Variants in SLC43A2 observed in about 807,000 individuals in gnomAD.
The protein encoded by SLC43A2 is large neutral amino acids transporter small subunit 4.
Under a neutral mutation model 63.2 loss-of-function variants are expected in SLC43A2, and 38 were observed. That is an observed-to-expected ratio of 0.60 (90% CI 0.46 to 0.79). The LOEUF (loss-of-function observed/expected upper bound fraction) is 0.79. Among genes scored for constraint, SLC43A2 ranks in the 30% least tolerant of loss-of-function variants. The pLI is 0.00. For missense variants in SLC43A2, 644 were observed against 756.2 expected, an observed-to-expected ratio of 0.85 and a Z score of 1.74; for synonymous variants, 322 against 331.0, an observed-to-expected ratio of 0.97 and a Z score of 0.30.
At chr17:1,604,443 G>C in intron 5 of SLC43A2, 1 of 443,366 alleles carries the variant, frequency 2.3e-6, no homozygotes, top group Non-Finnish European at 4.1e-6. Context: ...TCCCTCTACT[G>C]ATCAGCAGGA....
chr17:1,588,983 C>G (rs185524001), intron 9 of SLC43A2, among the ~76,000 whole-genome samples: 4 of 152,212 alleles, frequency 2.6e-5, no homozygotes, highest in Non-Finnish European at 2.9e-5. Context: ...GCAAAGCTCA[C>G]GAGTGTGCGG....
At chr17:1,588,697 CAAAAAAA>C (rs35780448) in intron 9 of SLC43A2, among the ~76,000 whole-genome samples, 1 of 89,136 alleles carries the variant, frequency 1.1e-5, no homozygotes, top group Admixed American at 1.2e-4. Context: ...GACCCCAACT[CAAAAAAA>C]AAAAAAAAAA....
rs1292394168 is a variant in SLC43A2, at chr17:1,571,781, T to A, written c.*3823A>T. On this transcript the variant is annotated 3_prime_UTR_variant, in exon 14 of 14. Coordinates refer to ENST00000301335, the MANE Select transcript of SLC43A2 (RefSeq NM_152346.3). This position sits in a 1 kb window ranked among gnomAD's most constrained non-coding sequence, Gnocchi z 5.2. ...CCGGTGAGGGGTGGGACCTTGTGTA[T>A]AGGTCCAGGCAGCAGCAGCTGCAGA... 1 of 152,224 alleles carries A rather than the reference T, an allele frequency of 6.6e-6. No homozygotes were observed. Among genetic ancestry groups the A allele is most frequent in the Non-Finnish European group, 1.5e-5 (1 of 68,086 alleles). The allele number at this position is 152,224 out of a possible 1,614,324, so 9.4% of individuals were successfully genotyped here. A position where few individuals can be genotyped will look rare whatever the true frequency, so the allele number is the denominator to read the frequency against.
chr17:1,599,906 T>C (rs923363626), intron 5 of SLC43A2, among the ~76,000 whole-genome samples: 2 of 148,814 alleles, frequency 1.3e-5, no homozygotes, highest in African/African-American at 5.0e-5. Flanking sequence ...TAGCTGGGCG[T>C]GGTGGCGGGC....
intron 5 of SLC43A2, among the ~76,000 whole-genome samples, chr17:1,601,353 C>T (rs1905999978): frequency 6.6e-6 from 1 of 151,948 alleles, no homozygotes; most frequent in Admixed American, 6.6e-5. Context: ...GCTGGGAAAA[C>T]CCAAATGTTC....
chr17:1,617,925 C>T (rs549065469), intron 2 of SLC43A2, among the ~76,000 whole-genome samples: 1 of 152,186 alleles, frequency 6.6e-6, no homozygotes, highest in Non-Finnish European at 1.5e-5. Flanking sequence ...CTCTCCTGGC[C>T]GGGACTGCTA....
At chr17:1,597,498 C>CAAA (rs71148498) in intron 5 of SLC43A2, among the ~76,000 whole-genome samples, 15,174 of 131,234 alleles carry the variant, frequency 0.12, 1,111 homozygotes, top group African/African-American at 0.21. Context: ...GAGCAAGACT[C>CAAA]AAAAAAAAAA....
intron 2 of SLC43A2, 67 bp from the exon 3 acceptor site, chr17:1,616,836 C>T (rs1159887879): frequency 1.9e-6 from 3 of 1,561,896 alleles, no homozygotes; most frequent in East Asian, 2.2e-5. Flanking sequence ...ATCAGAAGGG[C>T]AGGTGCCCAT....
intron 10 of SLC43A2, 107 bp downstream of exon 10, chr17:1,585,806 A>G (rs1388114335): frequency 2.5e-6 from 4 of 1,603,366 alleles, no homozygotes; most frequent in Non-Finnish European, 3.4e-6. Flanking sequence ...GCTGGAGTGC[A>G]TTGCTCTCTC....
chr17:1,575,862 C>G (rs564399138), intron 13 of SLC43A2, 97 bp from the exon 14 acceptor site: 1 of 1,367,932 alleles, frequency 7.3e-7, no homozygotes, highest in East Asian at 2.5e-5. Flanking sequence ...GAGAAGGTCA[C>G]GGGGTGGAAG....
chr17:1,600,152 A>ATATATATATATATATTTT (rs1216616243), intron 5 of SLC43A2, among the ~76,000 whole-genome samples: 1 of 60,272 alleles, frequency 1.7e-5, no homozygotes, highest in African/African-American at 5.4e-5. Context: ...ATATATATAT[A>ATATATATATATATATTTT]TTTTTTTTTT....
At chr17:1,586,136 C>T in intron 9 of SLC43A2, 85 bp from the exon 10 acceptor site, 1 of 1,484,390 alleles carries the variant, frequency 6.7e-7, no homozygotes, top group Non-Finnish European at 8.9e-7. Flanking sequence ...AGGGGCTGGT[C>T]CCCACAGGCT....
chr17:1,594,446 C>G (rs1029814743), intron 5 of SLC43A2, among the ~76,000 whole-genome samples: 1 of 152,208 alleles, frequency 6.6e-6, no homozygotes, highest in African/African-American at 2.4e-5. Flanking sequence ...CCACACCCAG[C>G]GTCCCTGGCC....
At chr17:1,588,386 CAA>C (rs985832646) in intron 9 of SLC43A2, among the ~76,000 whole-genome samples, 1 of 144,196 alleles carries the variant, frequency 6.9e-6, no homozygotes, top group African/African-American at 2.6e-5. Context: ...AAATCCATGT[CAA>C]AAAAAAAAGA....
rs545002762 is a variant in SLC43A2, at chr17:1,600,023, G to T, written c.502-6744C>A. ...TGCGCCACTGCACTCCAGCCTGGGT[G>T]ACAGAGCAAGACTCCGTCTCAAAAA... On this transcript the variant is annotated intron_variant, in intron 5 of 13. Transcript: ENST00000301335. Among the ~76,000 whole-genome samples the T allele has an allele frequency of 2.1e-5, 3 of 140,564 alleles. No individual in the cohort carries two copies. The South Asian group carries it at 6.8e-4, about 32-fold the overall frequency. 92.2% of individuals were successfully genotyped at this position (140,564 alleles called of 152,430 possible).
In SLC43A2 at chr17:1,583,428, A is replaced by C. The variant is rs2076052031; in HGVS notation, c.1218-92T>G. ...TCAGGCCTCAAGCGTCGCAGCAGGT[A>C]AACTGACGCAAGACTCAGAAGCCAC... is the stretch of plus-strand genomic sequence containing the variant. On this transcript the variant is annotated intron_variant, in intron 10 of 13. Coordinates refer to ENST00000301335, the MANE Select transcript of SLC43A2 (RefSeq NM_152346.3). The surrounding 1 kb of genome is among the most constrained non-coding windows in gnomAD (Gnocchi z 5.5). The C allele has an allele frequency of 5.7e-6, 9 of 1,568,874 alleles. No homozygotes were observed. In the South Asian group the frequency reaches 1.0e-4, roughly 18 times the overall value.
chr17:1,584,477 G>T (rs11868468), intron 10 of SLC43A2, among the ~76,000 whole-genome samples: 13,004 of 152,152 alleles, frequency 0.085, 1,706 homozygotes, highest in African/African-American at 0.28. Flanking sequence ...GAGGGCCTCA[G>T]GCAATAAACC....
At chr17:1,585,670 G>A in intron 10 of SLC43A2, 1 of 1,430,306 alleles carries the variant, frequency 7.0e-7, no homozygotes. Context: ...TTACAGGCAT[G>A]AGTCACCGCA....
intron 6 of SLC43A2, 23 bp from the exon 7 acceptor site, chr17:1,591,722 G>GGA: frequency 8.8e-7 from 1 of 1,136,514 alleles, no homozygotes; most frequent in Non-Finnish European, 1.2e-6. Flanking sequence ...GCGGGGACGG[G>GGA]GTGGGGGGGG....
Sources: allele counts gnomAD v4.1 joint callset (sites outside exome capture counted in the v4.1 genomes callset), GRCh38; gene constraint gnomAD v4.1.1; non-coding constraint Gnocchi (gnomAD v3.1); transcripts MANE v1.5; gene names NCBI Gene and HGNC (gene_info 2026-07-23, HGNC 2026-07-21).